GPAT4: variants seen among roughly 807,000 people sequenced by gnomAD.
GPAT4 encodes the protein glycerol-3-phosphate acyltransferase 4.
GPAT4 carries 17 observed loss-of-function variants against 58.0 expected under a neutral mutation model. That is an observed-to-expected ratio of 0.29 (90% CI 0.20 to 0.44). The LOEUF (loss-of-function observed/expected upper bound fraction) is 0.44. Ranked by LOEUF, GPAT4 falls within the 20% of genes least tolerant of loss-of-function variation. GPAT4 has a pLI of 1.00. For missense variants in GPAT4, 377 were observed against 574.5 expected, an observed-to-expected ratio of 0.66 and a Z score of 3.51; for synonymous variants, 204 against 210.1, an observed-to-expected ratio of 0.97 and a Z score of 0.25.
At chr8:41,579,564 GTGGTGACTCACGCCGGT>G (rs1786624203) in intron 1 of GPAT4, among the ~76,000 whole-genome samples, 1 of 150,918 alleles carries the variant, frequency 6.6e-6, no homozygotes, top group Admixed American at 6.7e-5. Flanking sequence ...ATGGCCGGGC[GTGGTGACTCACGCCGGT>G]AATCCCAGCA....
At chr8:41,617,928 C>T (rs533062142) in intron 10 of GPAT4, among the ~76,000 whole-genome samples, 7 of 152,346 alleles carry the variant, frequency 4.6e-5, no homozygotes, top group African/African-American at 1.4e-4. Flanking sequence ...TCCTCTAGAG[C>T]TTACCTACCC....
chr8:41,589,961 C>CCT (rs1802748427), intron 1 of GPAT4, among the ~76,000 whole-genome samples: 1 of 152,198 alleles, frequency 6.6e-6, no homozygotes, highest in Non-Finnish European at 1.5e-5. Flanking sequence ...TCCTGAACTA[C>CCT]CTCTAGAACA....
Position 41,608,006 on chromosome 8 carries a change from T to C in GPAT4, c.166-1410T>C, listed in dbSNP as rs1465577361. On this transcript the variant is annotated intron_variant, in intron 2 of 12. Transcript: ENST00000396987. ...GGAAACCAGATGAGATTTACCTTCC[T>C]CCATTTTAGGTATTATATTAACATT... Among the ~76,000 whole-genome samples the C allele has an allele frequency of 1.3e-5, 2 of 152,180 alleles. 1 individual carries two copies. Among genetic ancestry groups the C allele is most frequent in the East Asian group, 3.8e-4 (2 of 5,198 alleles).
intron 1 of GPAT4, among the ~76,000 whole-genome samples, chr8:41,596,208 T>C (rs1802927191): frequency 6.6e-6 from 1 of 152,142 alleles, no homozygotes; most frequent in Non-Finnish European, 1.5e-5. Flanking sequence ...GGTGGGCTTA[T>C]TTTGTGCCTG....
chr8:41,618,626 A>G (rs945699132), intron 10 of GPAT4, 58 bp from the exon 11 acceptor site: 1 of 1,600,014 alleles, frequency 6.2e-7, no homozygotes, highest in African/African-American at 1.3e-5. Context: ...GTCACTGTGG[A>G]CTCGCAAACG....
At chr8:41,612,786 A>C (rs1274304160) in intron 7 of GPAT4, 59 bp from the exon 8 acceptor site, 2 of 1,446,956 alleles carry the variant, frequency 1.4e-6, no homozygotes, top group African/African-American at 2.8e-5. Flanking sequence ...TTCTTCCTAG[A>C]GTGGGGAGAT....
intron 1 of GPAT4, among the ~76,000 whole-genome samples, chr8:41,590,164 A>G (rs1444320149): frequency 6.6e-6 from 1 of 151,046 alleles, no homozygotes; most frequent in Non-Finnish European, 1.5e-5. Context: ...TCTGTCACCC[A>G]TGCTGGAGTC....
intron 1 of GPAT4, among the ~76,000 whole-genome samples, chr8:41,590,407 GT>G (rs1452222871): frequency 6.6e-6 from 1 of 152,234 alleles, no homozygotes; most frequent in Non-Finnish European, 1.5e-5. Context: ...TTTAAAGCAT[GT>G]AGTTTGGGAG....
chr8:41,603,277 G>A (rs1178966557), intron 2 of GPAT4, among the ~76,000 whole-genome samples: 1 of 152,028 alleles, frequency 6.6e-6, no homozygotes, highest in Admixed American at 6.6e-5. Flanking sequence ...CTGTAATCCC[G>A]GCACTTTGGG....
At chr8:41,608,691 TC>T (rs1382395529) in intron 2 of GPAT4, among the ~76,000 whole-genome samples, 1 of 152,180 alleles carries the variant, frequency 6.6e-6, no homozygotes, top group African/African-American at 2.4e-5. Context: ...TCCTAAGCGA[TC>T]CCGTGAAGTA....
In GPAT4 at chr8:41,616,538, G is replaced by A. The variant is rs182500673; in HGVS notation, c.1053+1490G>A. On this transcript the variant is annotated intron_variant, in intron 10 of 12. Coordinates refer to ENST00000396987, the MANE Select transcript of GPAT4 (RefSeq NM_178819.4). ...TAGAACTCCTGGACTCAAGTGATCC[G>A]CCTGCCTTGGCCTCTCAAAGTGCTG... 1.8e-3 allele frequency among the ~76,000 whole-genome samples: 271 copies of A among 152,192 alleles called. 2 individuals are homozygous for A. Among genetic ancestry groups the A allele is most frequent in the African/African-American group, 6.0e-3 (249 of 41,518 alleles).
At chr8:41,614,817 G>A (rs959445210) in intron 9 of GPAT4, 146 bp from the exon 10 acceptor site, 5 of 687,422 alleles carry the variant, frequency 7.3e-6, no homozygotes, top group Admixed American at 2.8e-5. Context: ...TTAAGTGTTT[G>A]TTTTTAAGTT....
chr8:41,602,632 T>C (rs1803135531), intron 2 of GPAT4, among the ~76,000 whole-genome samples: 1 of 152,216 alleles, frequency 6.6e-6, no homozygotes, highest in Admixed American at 6.5e-5. Context: ...CTTCAGGTCT[T>C]GGGAAGTCAG....
chr8:41,603,452 G>A (rs1803159401), intron 2 of GPAT4, among the ~76,000 whole-genome samples: 1 of 151,018 alleles, frequency 6.6e-6, no homozygotes, highest in Non-Finnish European at 1.5e-5. Flanking sequence ...CTTGAACCCA[G>A]GAGGTGGAGG....
In GPAT4 at chr8:41,612,287, C is replaced by T; in HGVS notation, c.795+14C>T. 1.2e-6 allele frequency: 2 copies of T among 1,613,864 alleles called. No individual in the cohort carries two copies. Among genetic ancestry groups the T allele is most frequent in the Middle Eastern group, 1.7e-4 (1 of 6,058 alleles). On this transcript the variant is annotated intron_variant, in intron 7 of 12. Coordinates refer to ENST00000396987, the MANE Select transcript of GPAT4 (RefSeq NM_178819.4). ...TATTATGCCATGGTAAGAGCTCTTT[C>T]CGGTGCGTTCTTGAGGCAAGACTTC...
chr8:41,592,467 C>T (rs981411542), intron 1 of GPAT4, among the ~76,000 whole-genome samples: 1 of 152,162 alleles, frequency 6.6e-6, no homozygotes, highest in African/African-American at 2.4e-5. Context: ...TTTGCCTTCT[C>T]TAGCTATGCA....
chr8:41,616,339 C>T (rs967761699), intron 10 of GPAT4, among the ~76,000 whole-genome samples: 8 of 152,234 alleles, frequency 5.3e-5, no homozygotes, highest in African/African-American at 1.9e-4. Context: ...GTCTGTCACC[C>T]AGGCTGGAGT....
rs144892850 is a variant in GPAT4 at position 41,605,896 on chromosome 8, G to A, written c.166-3520G>A. Among the ~76,000 whole-genome samples, 125 of 152,304 alleles carry A rather than the reference G, an allele frequency of 8.2e-4. 2 individuals carry two copies. The highest frequency in any genetic ancestry group is 2.6e-3 in the African/African-American group (109 of 41,572). Reference sequence around the variant, plus strand: ...CCATTGAAGATTTTTGAACAAGAAAGTGACGTGGCTGGACTCTGGCAGCAT... The same window carrying A: ...CCATTGAAGATTTTTGAACAAGAAAATGACGTGGCTGGACTCTGGCAGCAT... On this transcript the variant is annotated intron_variant, in intron 2 of 12. Coordinates refer to ENST00000396987, the MANE Select transcript of GPAT4 (RefSeq NM_178819.4).
chr8:41,599,343 G>C (rs1351726271), intron 2 of GPAT4, 39 bp downstream of exon 2: 4 of 1,600,278 alleles, frequency 2.5e-6, no homozygotes, highest in Admixed American at 1.8e-5. Flanking sequence ...TCACAGAGGA[G>C]GGTAGAAGTG....
Sources: allele counts gnomAD v4.1 joint callset (sites outside exome capture counted in the v4.1 genomes callset), GRCh38; gene constraint gnomAD v4.1.1; transcripts MANE v1.5; gene names NCBI Gene and HGNC (gene_info 2026-07-23, HGNC 2026-07-21).